CSMD3: variants seen among roughly 807,000 people sequenced by gnomAD.
The protein encoded by CSMD3 is CUB and sushi domain-containing protein 3.
Under a neutral mutation model 435.2 loss-of-function variants are expected in CSMD3, and 177 were observed. The observed-to-expected ratio is 0.41, with a 90% CI of 0.36 to 0.46. The LOEUF is 0.46. Among genes scored for constraint, CSMD3 ranks in the 20% least tolerant of loss-of-function variants. The pLI, the probability that CSMD3 is intolerant of heterozygous loss-of-function variation, is 0.34. For synonymous variants in CSMD3, 1,656 were observed against 1,520.5 expected (o/e 1.09, Z -2.07); for missense variants, 4,265 against 4,504.6 (o/e 0.95, Z 1.52).
intron 10 of CSMD3, among the ~76,000 whole-genome samples, chr8:112,889,283 G>A (rs1221451601): frequency 2.6e-5 from 4 of 151,652 alleles, no homozygotes. Context: ...ATATTCAGCT[G>A]TGCCATTCAT....
At chr8:112,745,911 C>T (rs918597796) in intron 13 of CSMD3, among the ~76,000 whole-genome samples, 1 of 151,920 alleles carries the variant, frequency 6.6e-6, no homozygotes, top group Non-Finnish European at 1.5e-5. Context: ...ACTAAAGAAA[C>T]ATTTTGCTAA....
intron 23 of CSMD3, among the ~76,000 whole-genome samples, chr8:112,578,741 T>C (rs1830128402): frequency 6.6e-6 from 1 of 152,088 alleles, no homozygotes; most frequent in South Asian, 2.1e-4. Context: ...TTGAGAAGCA[T>C]ACCATTTCTG....
At chr8:113,123,374 G>A (rs1473042770) in intron 4 of CSMD3, among the ~76,000 whole-genome samples, 2 of 152,070 alleles carry the variant, frequency 1.3e-5, no homozygotes, top group Non-Finnish European at 2.9e-5. Context: ...TAAATGAGGA[G>A]TCAGCAAACT....
At chr8:113,330,664 A>C (rs2132767060) in intron 1 of CSMD3, among the ~76,000 whole-genome samples, 1 of 152,024 alleles carries the variant, frequency 6.6e-6, no homozygotes, top group African/African-American at 2.4e-5. Context: ...TATCATACCA[A>C]ATAGACAACA....
At chr8:112,570,385 A>G (rs1177093265) in intron 24 of CSMD3, among the ~76,000 whole-genome samples, 1 of 152,242 alleles carries the variant, frequency 6.6e-6, no homozygotes, top group Non-Finnish European at 1.5e-5. Flanking sequence ...CGGTTATATT[A>G]GTTGCATATA....
chr8:112,761,261 C>G (rs879257212), intron 13 of CSMD3, among the ~76,000 whole-genome samples: 27 of 151,998 alleles, frequency 1.8e-4, no homozygotes, highest in Admixed American at 7.9e-4. Context: ...AAAGGGAAAC[C>G]ACCAATGGAA....
intron 6 of CSMD3, among the ~76,000 whole-genome samples, chr8:113,012,914 C>T (rs879809404): frequency 2.6e-5 from 4 of 151,984 alleles, no homozygotes; most frequent in Non-Finnish European, 5.9e-5. Flanking sequence ...AGAGTTATAA[C>T]ATTAGAGTAG....
chr8:113,320,854 A>G (rs1438319972), intron 1 of CSMD3, among the ~76,000 whole-genome samples: 2 of 152,040 alleles, frequency 1.3e-5, no homozygotes, highest in African/African-American at 4.8e-5. Flanking sequence ...GGTGACCATA[A>G]AAGAGGCATA....
chr8:112,656,321 T>A lies in CSMD3; in HGVS notation c.2837A>T (p.Tyr946Phe), dbSNP rs2075256639. The A allele has an allele frequency of 1.2e-6, 2 of 1,612,952 alleles. No homozygotes were observed. Among genetic ancestry groups the A allele is most frequent in the African/African-American group, 1.3e-5 (1 of 74,900 alleles). ...TFERFQTELNYDVLEVHDGPN... is the reference protein window; with the variant it reads ...TFERFQTELNFDVLEVHDGPN... The stretch of plus-strand genomic sequence containing the variant: ...CCCATCATGAACTTCCAGAACATCA[T>A]AATTCAGTTCAGTCTGAAATCTAAG... Residue 946 changes from tyrosine to phenylalanine, a missense_variant, in exon 18 of 71, where the codon TAT becomes TTT. Coordinates refer to ENST00000297405, the MANE Select transcript of CSMD3 (RefSeq NM_198123.2).
chr8:112,950,930 T>G (rs1193052706), intron 8 of CSMD3, among the ~76,000 whole-genome samples: 1 of 151,968 alleles, frequency 6.6e-6, no homozygotes, highest in Non-Finnish European at 1.5e-5. Context: ...ATCCCAGTTC[T>G]TATTATTTTG....
chr8:112,362,935 T>C (rs553048557), intron 38 of CSMD3, among the ~76,000 whole-genome samples: 7 of 151,954 alleles, frequency 4.6e-5, no homozygotes, highest in Non-Finnish European at 7.4e-5. Flanking sequence ...AAAAACACAT[T>C]GTAGTGTTCT....
chr8:113,348,596 G>C (rs185711866), intron 1 of CSMD3, among the ~76,000 whole-genome samples: 47 of 152,130 alleles, frequency 3.1e-4, no homozygotes, highest in African/African-American at 1.0e-3. Flanking sequence ...CAAGGAAGCA[G>C]GTATGCATGT....
At chr8:112,878,505 T>A (rs2081355020) in intron 10 of CSMD3, among the ~76,000 whole-genome samples, 1 of 152,172 alleles carries the variant, frequency 6.6e-6, no homozygotes, top group Non-Finnish European at 1.5e-5. Context: ...GAAGACAGTG[T>A]GGTGATTCCT....
intron 10 of CSMD3, among the ~76,000 whole-genome samples, chr8:112,883,072 T>G (rs1191912416): frequency 6.6e-6 from 1 of 151,936 alleles, no homozygotes; most frequent in Non-Finnish European, 1.5e-5. Flanking sequence ...GGAGGGGTTG[T>G]GTGGCCATCT....
chr8:112,483,344 T>A (rs2130807298), intron 31 of CSMD3, among the ~76,000 whole-genome samples: 1 of 152,078 alleles, frequency 6.6e-6, no homozygotes, highest in Non-Finnish European at 1.5e-5. Context: ...TACAAAAAAA[T>A]TAGTCAGGCA....
At chr8:112,503,692 TAAAAC>T in intron 30 of CSMD3, 93 bp downstream of exon 30, 1 of 805,166 alleles carries the variant, frequency 1.2e-6, no homozygotes, top group East Asian at 2.7e-5. Context: ...AAAATACACA[TAAAAC>T]TAACCACTAA....
At chr8:113,084,330 T>G (rs1764886199) in intron 5 of CSMD3, among the ~76,000 whole-genome samples, 1 of 151,578 alleles carries the variant, frequency 6.6e-6, no homozygotes, top group South Asian at 2.1e-4. Context: ...TAAAAATAAG[T>G]CAAGAAAGAA....
At chr8:113,370,940 C>T (rs538547044) in intron 1 of CSMD3, among the ~76,000 whole-genome samples, 8 of 152,060 alleles carry the variant, frequency 5.3e-5, no homozygotes, top group African/African-American at 9.6e-5. Flanking sequence ...TCTGTCTCAG[C>T]GTAATCTGTG....
chr8:112,714,007 G>A (rs1046213600), intron 13 of CSMD3, among the ~76,000 whole-genome samples: 36 of 152,238 alleles, frequency 2.4e-4, no homozygotes, highest in African/African-American at 8.7e-4. Context: ...TGAAGAAACT[G>A]CATCAACTAG....
Sources: allele counts gnomAD v4.1 joint callset (sites outside exome capture counted in the v4.1 genomes callset), GRCh38; gene constraint gnomAD v4.1.1; transcripts MANE v1.5; gene names NCBI Gene and HGNC (gene_info 2026-07-23, HGNC 2026-07-21).